GTF2E1: variants seen among roughly 807,000 people sequenced by gnomAD.
GTF2E1 encodes the protein TFIIE alpha subunit.
GTF2E1 carries 14 observed loss-of-function variants against 34.9 expected under a neutral mutation model. The observed-to-expected ratio is 0.40, with a 90% CI of 0.27 to 0.63. The LOEUF (loss-of-function observed/expected upper bound fraction) is 0.63, where lower values mean the gene tolerates loss of function less well. Ranked by LOEUF, GTF2E1 falls within the 20% of genes least tolerant of loss-of-function variation. The pLI is 0.39. For synonymous variants in GTF2E1, 188 were observed against 192.9 expected (o/e 0.97, Z 0.21); for missense variants, 469 against 557.7 (o/e 0.84, Z 1.60).
intron 1 of GTF2E1, among the ~76,000 whole-genome samples, chr3:120,743,939 G>A (rs765421398): frequency 5.3e-5 from 8 of 152,166 alleles, no homozygotes; most frequent in Non-Finnish European, 1.2e-4. Flanking sequence ...GTCTGGGCTG[G>A]GGTAGGGAGG....
chr3:120,752,243 C>G (rs1315704223), intron 2 of GTF2E1, among the ~76,000 whole-genome samples: 1 of 152,140 alleles, frequency 6.6e-6, no homozygotes, highest in Non-Finnish European at 1.5e-5. Context: ...AAAGTCTTAA[C>G]CATCCTCGGT....
At chr3:120,763,614 A>G (rs1022170863) in intron 2 of GTF2E1, among the ~76,000 whole-genome samples, 3 of 152,164 alleles carry the variant, frequency 2.0e-5, no homozygotes, top group Non-Finnish European at 4.4e-5. Flanking sequence ...GAACTGTGAA[A>G]TGTCTTTTGT....
chr3:120,772,716 T>G (rs1709363753), intron 3 of GTF2E1, among the ~76,000 whole-genome samples: 1 of 152,154 alleles, frequency 6.6e-6, no homozygotes, highest in Non-Finnish European at 1.5e-5. Flanking sequence ...ATTCTGATGT[T>G]TCCTCTCCTA....
At chr3:120,777,477 A>C (rs978476051) in intron 4 of GTF2E1, among the ~76,000 whole-genome samples, 8 of 152,162 alleles carry the variant, frequency 5.3e-5, no homozygotes, top group African/African-American at 1.9e-4. Context: ...GTTTGGTGAT[A>C]TGTTAGTGCC....
intron 3 of GTF2E1, among the ~76,000 whole-genome samples, chr3:120,775,099 A>G (rs1249792333): frequency 6.6e-6 from 1 of 152,130 alleles, no homozygotes; most frequent in Non-Finnish European, 1.5e-5. Flanking sequence ...GACCTCAGCT[A>G]AGTATGAGTT....
intron 4 of GTF2E1, 134 bp from the exon 5 acceptor site, chr3:120,780,909 C>T (rs1709440881): frequency 1.5e-5 from 9 of 614,458 alleles, no homozygotes; most frequent in Non-Finnish European, 2.5e-5. Flanking sequence ...TTATGGATAG[C>T]AGCTCAAAAA....
In GTF2E1 at chr3:120,777,262, G is replaced by C. The variant is rs189601851; in HGVS notation, c.892+598G>C. On this transcript the variant is annotated intron_variant, in intron 4 of 4. Coordinates refer to ENST00000283875, the MANE Select transcript of GTF2E1 (RefSeq NM_005513.3). ...AGAACTGCAAGATTTTACTTTCTAA[G>C]TTTTAGTCTAAGTTACTGCATTCAA... 3.5e-3 allele frequency among the ~76,000 whole-genome samples: 527 copies of C among 152,264 alleles called. 6 individuals are homozygous for C. The highest frequency in any genetic ancestry group is 8.7e-3 in the African/African-American group (360 of 41,560).
At chr3:120,772,240 C>T (rs897064656) in intron 3 of GTF2E1, among the ~76,000 whole-genome samples, 2 of 152,098 alleles carry the variant, frequency 1.3e-5, no homozygotes, top group Non-Finnish European at 2.9e-5. Context: ...TCACTGGCTG[C>T]AATTGTTTTA....
chr3:120,765,474 A>G (rs1182450505), intron 2 of GTF2E1, among the ~76,000 whole-genome samples: 1 of 152,144 alleles, frequency 6.6e-6, no homozygotes, highest in Non-Finnish European at 1.5e-5. Flanking sequence ...AATATTTTTG[A>G]AAAGTGGAGC....
intron 2 of GTF2E1, among the ~76,000 whole-genome samples, chr3:120,753,120 TG>T (rs1484800096): frequency 6.6e-6 from 1 of 152,122 alleles, no homozygotes; most frequent in Non-Finnish European, 1.5e-5. Context: ...GTTTTGTTTT[TG>T]TTTTTTTTTT....
intron 2 of GTF2E1, among the ~76,000 whole-genome samples, chr3:120,762,915 T>C (rs183656724): frequency 1.4e-3 from 210 of 152,326 alleles, no homozygotes; most frequent in Middle Eastern, 6.8e-3. Context: ...CTTGGGGGTT[T>C]TATCACTGGT....
intron 2 of GTF2E1, among the ~76,000 whole-genome samples, chr3:120,761,908 A>T (rs1402502788): frequency 1.3e-5 from 2 of 149,508 alleles, no homozygotes; most frequent in Non-Finnish European, 2.9e-5. Context: ...CTCCTGCCTC[A>T]GCCTCCCAAG....
chr3:120,781,192 G>A lies in GTF2E1; in HGVS notation c.1042G>A (p.Ala348Thr), dbSNP rs755755988. ...GSVGAAAPVT[A>T]ANGSDSESET... ...AGTGGGGGCAGCTGCTCCAGTGACC[G>A]CTGCCAATGGCAGTGACTCAGAAAG... The change falls in exon 5 of 5, where the codon GCT (alanine) becomes ACT (threonine). Residue 348 changes from alanine (A) to threonine (T), a missense_variant. Transcript: ENST00000283875. 4.3e-6 allele frequency: 7 copies of A among 1,613,560 alleles called. No homozygotes were observed. Among genetic ancestry groups the A allele is most frequent in the South Asian group, 1.1e-5 (1 of 91,088 alleles).
chr3:120,751,221 T>TA (rs1305661440), intron 2 of GTF2E1, among the ~76,000 whole-genome samples: 3 of 152,180 alleles, frequency 2.0e-5, no homozygotes, highest in Admixed American at 6.5e-5. Context: ...GTTTCTCACT[T>TA]ATGGCCCTCC....
Position 120,755,253 on chromosome 3 carries a change from G to A in GTF2E1, c.448+4253G>A, listed in dbSNP as rs537837458. Among the ~76,000 whole-genome samples the A allele has an allele frequency of 1.5e-4, 23 of 152,260 alleles. No homozygotes were observed. The East Asian group carries it at 4.2e-3, about 28-fold the overall frequency. On this transcript the variant is annotated intron_variant, in intron 2 of 4. Transcript: ENST00000283875. ...GTAAGTTTGGAGTTAAATCATATGA[G>A]TCCCTTCTTGGCTTGTGACTACAGA...
chr3:120,743,444 A>G (rs898445254), intron 1 of GTF2E1, among the ~76,000 whole-genome samples: 1 of 152,198 alleles, frequency 6.6e-6, no homozygotes, highest in African/African-American at 2.4e-5. Context: ...TGGCAAGATG[A>G]GCCATGTTGG....
At chr3:120,745,090 T>C (rs1709093867) in intron 1 of GTF2E1, among the ~76,000 whole-genome samples, 1 of 152,134 alleles carries the variant, frequency 6.6e-6, no homozygotes. Flanking sequence ...TTTGTAGAGA[T>C]GGGGTCTTAC....
chr3:120,768,264 A>G (rs1290642838), intron 2 of GTF2E1, among the ~76,000 whole-genome samples: 1 of 152,214 alleles, frequency 6.6e-6, no homozygotes, highest in African/African-American at 2.4e-5. Context: ...GCTTCTGAGT[A>G]AAGAACTGAA....
chr3:120,776,243 A>G (rs1360885981), intron 3 of GTF2E1, among the ~76,000 whole-genome samples, 180 bp from the exon 4 acceptor site: 2 of 152,204 alleles, frequency 1.3e-5, no homozygotes, highest in Non-Finnish European at 2.9e-5. Context: ...TTTCTAACGC[A>G]TACAACTTTT....
Sources: gnomAD v4.1 joint callset for allele counts (sites outside exome capture counted in the v4.1 genomes callset) on GRCh38, gnomAD v4.1.1 for gene constraint, MANE v1.5 for transcripts, NCBI Gene and HGNC (gene_info 2026-07-23, HGNC 2026-07-21) for gene names.